Variants in RALA observed in about 807,000 individuals in gnomAD.
RALA encodes the protein ras-related protein Ral-A.
In RALA, 5 loss-of-function variants were observed where a neutral mutation model predicts 24.0. The observed-to-expected ratio is 0.21, with a 90% CI of 0.11 to 0.44. The LOEUF is 0.44. Among genes scored for constraint, RALA ranks in the 20% least tolerant of loss-of-function variants. The pLI is 0.99. For missense variants in RALA, 95 were observed against 241.2 expected (o/e 0.39, Z 4.01); for synonymous variants, 77 against 83.8 (o/e 0.92, Z 0.44).
intron 1 of RALA, among the ~76,000 whole-genome samples, chr7:39,653,004 G>T (rs1486650493): frequency 6.7e-6 from 1 of 148,646 alleles, no homozygotes; most frequent in Non-Finnish European, 1.5e-5. Flanking sequence ...ATTATTGTTA[G>T]CCAGGCTGGT....
chr7:39,636,666 C>G (rs545361878), intron 1 of RALA, among the ~76,000 whole-genome samples: 3 of 152,280 alleles, frequency 2.0e-5, no homozygotes, highest in East Asian at 3.9e-4. Flanking sequence ...CTAGTTTGTT[C>G]TCTCACTGCT....
chr7:39,682,521 C>T (rs966936015), intron 1 of RALA, among the ~76,000 whole-genome samples: 7 of 152,350 alleles, frequency 4.6e-5, no homozygotes, highest in East Asian at 3.9e-4. Flanking sequence ...CAAACACTTC[C>T]GGGGCCTTCA....
Position 39,706,377 on chromosome 7 carries a change from T to C in RALA, c.*132T>C, listed in dbSNP as rs1793120350. 3 of 974,778 alleles carry C rather than the reference T, an allele frequency of 3.1e-6. No homozygotes were observed. Among genetic ancestry groups the C allele is most frequent in the Admixed American group, 2.7e-5 (1 of 37,578 alleles). The allele number at this position is 974,778 out of a possible 1,614,324, so 60.4% of individuals were successfully genotyped here. A position where few individuals can be genotyped will look rare whatever the true frequency, so the allele number is the denominator to read the frequency against. On this transcript the variant is annotated 3_prime_UTR_variant, in exon 5 of 5. Coordinates refer to ENST00000005257, the MANE Select transcript of RALA (RefSeq NM_005402.4). Reference sequence around the variant, plus strand: ...TGTTGTATATCACTAAAAGCATGAATTGGAACTGCAATGAAAGTCAAATTT... The same window carrying C: ...TGTTGTATATCACTAAAAGCATGAACTGGAACTGCAATGAAAGTCAAATTT...
At chr7:39,651,249 A>G (rs1792015024) in intron 1 of RALA, among the ~76,000 whole-genome samples, 1 of 152,198 alleles carries the variant, frequency 6.6e-6, no homozygotes, top group African/African-American at 2.4e-5. Flanking sequence ...AGGTGTATTA[A>G]ATGCATTTTC....
chr7:39,663,163 G>T (rs1054670326), intron 1 of RALA, among the ~76,000 whole-genome samples: 1 of 152,040 alleles, frequency 6.6e-6, no homozygotes, highest in Non-Finnish European at 1.5e-5. Flanking sequence ...GATTGGGTGG[G>T]GACACAACCA....
chr7:39,656,483 GA>G (rs569210422), intron 1 of RALA, among the ~76,000 whole-genome samples: 3 of 151,942 alleles, frequency 2.0e-5, no homozygotes, highest in Admixed American at 2.0e-4. Context: ...CCCAGGAAAG[GA>G]AAAAAAGGTA....
chr7:39,675,704 G>T (rs573644709), intron 1 of RALA, among the ~76,000 whole-genome samples: 1 of 148,880 alleles, frequency 6.7e-6, no homozygotes, highest in African/African-American at 2.5e-5. Flanking sequence ...CTACACTCTA[G>T]CCTGGGCAAC....
At chr7:39,658,126 T>A (rs1193894465) in intron 1 of RALA, among the ~76,000 whole-genome samples, 1 of 152,230 alleles carries the variant, frequency 6.6e-6, no homozygotes, top group Non-Finnish European at 1.5e-5. Flanking sequence ...AGTTGCTAAA[T>A]GCAGGGCTTG....
chr7:39,679,481 G>A lies in RALA; in HGVS notation c.-37-7150G>A, dbSNP rs541532446. On this transcript the variant is annotated intron_variant, in intron 1 of 4. Coordinates refer to ENST00000005257, the MANE Select transcript of RALA (RefSeq NM_005402.4). ...AGCTTTATTTGTATTTATCTTATCA[G>A]TGAGGTCAAGTATACTGAGTCATTT... Among the ~76,000 whole-genome samples, 12 of 152,230 alleles carry A rather than the reference G, an allele frequency of 7.9e-5. No homozygotes were observed. The East Asian group carries it at 2.1e-3, about 27-fold the overall frequency.
chr7:39,633,690 C>T (rs1253314283), intron 1 of RALA, among the ~76,000 whole-genome samples: 1 of 152,138 alleles, frequency 6.6e-6, no homozygotes, highest in African/African-American at 2.4e-5. Flanking sequence ...GAGTACATAT[C>T]TGTGGGTGGT....
At chr7:39,665,297 G>A (rs192724006) in intron 1 of RALA, among the ~76,000 whole-genome samples, 19 of 152,156 alleles carry the variant, frequency 1.2e-4, no homozygotes, top group East Asian at 9.7e-4. Context: ...ACTAGTAAGT[G>A]TATTTTTCCT....
At chr7:39,633,563 C>T (rs1430620441) in intron 1 of RALA, among the ~76,000 whole-genome samples, 1 of 152,174 alleles carries the variant, frequency 6.6e-6, no homozygotes, top group Admixed American at 6.5e-5. Flanking sequence ...CTAGTCCCTC[C>T]CTCAACAAGT....
At chr7:39,664,532 TG>T (rs1265839900) in intron 1 of RALA, among the ~76,000 whole-genome samples, 2 of 152,024 alleles carry the variant, frequency 1.3e-5, no homozygotes, top group Admixed American at 1.3e-4. Flanking sequence ...GCTTCTAGAT[TG>T]GGGGTTGTAA....
intron 1 of RALA, among the ~76,000 whole-genome samples, chr7:39,685,205 A>G (rs1194697605): frequency 1.3e-5 from 2 of 152,250 alleles, no homozygotes; most frequent in South Asian, 4.1e-4. Context: ...AGTTTCAGGT[A>G]AGGCTGAGAC....
At chr7:39,652,352 C>T (rs1337817340) in intron 1 of RALA, among the ~76,000 whole-genome samples, 1 of 152,178 alleles carries the variant, frequency 6.6e-6, no homozygotes, top group Non-Finnish European at 1.5e-5. Context: ...TTCCCCACCC[C>T]ATATCAATTC....
intron 1 of RALA, among the ~76,000 whole-genome samples, chr7:39,636,583 G>C (rs1791688932): frequency 6.6e-6 from 1 of 152,100 alleles, no homozygotes; most frequent in Non-Finnish European, 1.5e-5. Context: ...CTTTTTGTTT[G>C]AACTTCCAGG....
rs549056270 is a variant in RALA at position 39,659,051 on chromosome 7, A to G, written c.-37-27580A>G. On this transcript the variant is annotated intron_variant, in intron 1 of 4. Coordinates refer to ENST00000005257, the MANE Select transcript of RALA (RefSeq NM_005402.4). ...TTCCTGCGCTTTGGGAGGCCGAGGCAGGCAGATCACTTGAGCCCAGGAGTT... is the reference window on the plus strand; with the variant it reads ...TTCCTGCGCTTTGGGAGGCCGAGGCGGGCAGATCACTTGAGCCCAGGAGTT... Among the ~76,000 whole-genome samples the G allele has an allele frequency of 2.4e-3, 368 of 152,258 alleles. 1 individual carries two copies. The highest frequency in any genetic ancestry group is 8.6e-3 in the African/African-American group (358 of 41,560).
At chr7:39,648,160 G>T (rs573119305) in intron 1 of RALA, among the ~76,000 whole-genome samples, 212 of 152,192 alleles carry the variant, frequency 1.4e-3, no homozygotes, top group African/African-American at 5.0e-3. Context: ...GGTTTTACAG[G>T]GGCCCAGTGG....
At chr7:39,680,330 C>T in intron 1 of RALA, among the ~76,000 whole-genome samples, 1 of 151,078 alleles carries the variant, frequency 6.6e-6, no homozygotes, top group East Asian at 1.9e-4. Context: ...GAGCTGAGAT[C>T]GCACCATTGC....
Sources: gnomAD v4.1 joint callset for allele counts (sites outside exome capture counted in the v4.1 genomes callset) on GRCh38, gnomAD v4.1.1 for gene constraint, MANE v1.5 for transcripts, NCBI Gene and HGNC (gene_info 2026-07-23, HGNC 2026-07-21) for gene names.